The following SLC5A11 variants were observed in gnomAD, a reference collection of about 807,000 sequenced individuals.
SLC5A11 encodes the protein solute carrier family 5 member 11, also known as sodium/myo-inositol cotransporter 2.
In SLC5A11, 48 loss-of-function variants were observed where a neutral mutation model predicts 69.8. The observed-to-expected ratio is 0.69, with a 90% CI of 0.55 to 0.87. The LOEUF (loss-of-function observed/expected upper bound fraction) is 0.87. Ranked by LOEUF, SLC5A11 falls within the 40% of genes least tolerant of loss-of-function variation. The pLI is 0.00. For synonymous variants in SLC5A11, 319 were observed against 342.4 expected, an observed-to-expected ratio of 0.93 and a Z score of 0.75; for missense variants, 784 against 866.1, an observed-to-expected ratio of 0.91 and a Z score of 1.19.
At chr16:24,888,128 GA>G (rs1182538904) in intron 8 of SLC5A11, among the ~76,000 whole-genome samples, 1 of 151,960 alleles carries the variant, frequency 6.6e-6, no homozygotes. Context: ...ATTAATCATT[GA>G]AAAAAATTTT....
intron 2 of SLC5A11, 75 bp from the exon 4 acceptor site, chr16:24,862,526 C>T (rs1206308500): frequency 2.4e-6 from 3 of 1,255,020 alleles, no homozygotes; most frequent in South Asian, 2.6e-5. Context: ...GCAATCCCTG[C>T]CTGGCCTAGG....
chr16:24,895,125 A>G (rs757128509), intron 9 of SLC5A11, among the ~76,000 whole-genome samples: 36 of 151,130 alleles, frequency 2.4e-4, no homozygotes, highest in Non-Finnish European at 5.0e-4. Flanking sequence ...ATCCTGCCTC[A>G]GAAAAAAAGA....
chr16:24,897,124 TG>T (rs1375837933), intron 9 of SLC5A11, among the ~76,000 whole-genome samples: 2 of 151,782 alleles, frequency 1.3e-5, no homozygotes, highest in African/African-American at 4.8e-5. Flanking sequence ...AGCTAATTTT[TG>T]TATTTTTTTA....
At chr16:24,900,870 A>C (rs2049528182) in intron 10 of SLC5A11, among the ~76,000 whole-genome samples, 2 of 149,790 alleles carry the variant, frequency 1.3e-5, no homozygotes, top group South Asian at 4.2e-4. Flanking sequence ...GTGAGCTATT[A>C]TTACACCACT....
chr16:24,872,828 A>G (rs2047392369), intron 5 of SLC5A11, among the ~76,000 whole-genome samples: 1 of 149,378 alleles, frequency 6.7e-6, no homozygotes, highest in African/African-American at 2.5e-5. Flanking sequence ...TGCCCAGCCT[A>G]TGTTTCTGCT....
At position 24,891,042 on chromosome 16, in the gene SLC5A11, A is replaced by G. The variant is rs748850053; in HGVS notation, c.838A>G (p.Ile280Val). 3.0e-5 allele frequency: 49 copies of G among 1,614,040 alleles called. No individual in the cohort carries two copies. Among genetic ancestry groups the G allele is most frequent in the Non-Finnish European group, 3.9e-5 (46 of 1,180,038 alleles). The change falls in exon 9 of 16, where the codon ATC becomes GTC. Residue 280 changes from isoleucine to valine, a missense_variant. Transcript: ENST00000347898. ...GCCGGGGGTCCTATTTGGAATGTCC[A>G]TCCCATCCCTCTGGTACTGGTGCAC... is the stretch of plus-strand genomic sequence containing the variant.
chr16:24,851,993 C>CTCTCTCTG (rs756349920), intron 1 of SLC5A11, among the ~76,000 whole-genome samples: 1 of 149,024 alleles, frequency 6.7e-6, no homozygotes, highest in South Asian at 2.2e-4. Context: ...CTCTCTCTCT[C>CTCTCTCTG]TCCCACTCTA....
intron 8 of SLC5A11, among the ~76,000 whole-genome samples, chr16:24,889,237 C>A (rs1223290615): frequency 2.0e-5 from 3 of 152,030 alleles, no homozygotes; most frequent in Non-Finnish European, 2.9e-5. Flanking sequence ...AATCCTAGAA[C>A]TTTGGGAGGC....
intron 5 of SLC5A11, among the ~76,000 whole-genome samples, chr16:24,874,440 T>C (rs1026588396): frequency 7.9e-5 from 12 of 152,222 alleles, no homozygotes; most frequent in Non-Finnish European, 5.9e-5. Context: ...CCATTTATAT[T>C]CCCACCAGCA....
exon 13 of SLC5A11, chr16:24,908,121 C>T (rs374032922): frequency 8.0e-5 from 128 of 1,592,162 alleles, no homozygotes; most frequent in Non-Finnish European, 5.8e-5. Flanking sequence ...TGGAAGAGGA[C>T]CAATGAAAAG....
chr16:24,894,217 G>A (rs1466414856), intron 9 of SLC5A11, among the ~76,000 whole-genome samples: 1 of 152,090 alleles, frequency 6.6e-6, no homozygotes, highest in Non-Finnish European at 1.5e-5. Flanking sequence ...CACACCTATT[G>A]GATGCTCTCA....
chr16:24,846,841 G>A (rs759820233), intron 1 of SLC5A11: 2 of 152,202 alleles, frequency 1.3e-5, no homozygotes, highest in Admixed American at 6.5e-5. Flanking sequence ...AAAGCTATAG[G>A]AATGTATTTA....
rs749925565 is a variant in SLC5A11, at chr16:24,898,114, G to A, written c.1006+5G>A. ...TCAGCCGCATCCTCTTCCCAGGTGA[G>A]AACACAGCTGGGGGAAGAGGTCATT... On this transcript the variant is annotated splice_donor_5th_base_variant and intron_variant, in intron 10 of 15. Coordinates refer to ENST00000347898, the Ensembl canonical transcript of SLC5A11. The A allele has an allele frequency of 5.0e-6, 8 of 1,613,548 alleles. No individual in the cohort carries two copies. Among genetic ancestry groups the A allele is most frequent in the Non-Finnish European group, 6.8e-6 (8 of 1,179,880 alleles).
intron 9 of SLC5A11, among the ~76,000 whole-genome samples, chr16:24,897,102 G>A (rs147130210): frequency 1.3e-4 from 19 of 151,856 alleles, no homozygotes; most frequent in Admixed American, 4.6e-4. Flanking sequence ...ACAAGTGTGC[G>A]CCAATGCACC....
intron 10 of SLC5A11, among the ~76,000 whole-genome samples, chr16:24,898,325 C>A (rs1228939816): frequency 6.6e-6 from 1 of 152,178 alleles, no homozygotes; most frequent in South Asian, 2.1e-4. Flanking sequence ...AATCCTCCCA[C>A]CTCAGCCTCC....
intron 2 of SLC5A11, 146 bp from the exon 4 acceptor site, chr16:24,862,455 A>G (rs2046631766): frequency 3.6e-6 from 2 of 553,170 alleles, no homozygotes; most frequent in Non-Finnish European, 3.2e-6. Flanking sequence ...ATTTTATCCA[A>G]AACTCTGGGA....
At chr16:24,849,595 T>TAG (rs1567553333) in intron 1 of SLC5A11, among the ~76,000 whole-genome samples, 1 of 56,880 alleles carries the variant, frequency 1.8e-5, no homozygotes, top group Non-Finnish European at 3.2e-5. Context: ...AAAAAAAAAA[T>TAG]ATATATATAT....
chr16:24,887,774 A>G (rs371910308), intron 8 of SLC5A11, among the ~76,000 whole-genome samples: 54 of 152,256 alleles, frequency 3.5e-4, no homozygotes, highest in Middle Eastern at 6.8e-3. Flanking sequence ...AAAACTCAAG[A>G]TTTATATTTT....
intron 3 of SLC5A11, among the ~76,000 whole-genome samples, chr16:24,867,148 A>G (rs1036992821): frequency 3.3e-5 from 5 of 152,198 alleles, no homozygotes; most frequent in Non-Finnish European, 7.4e-5. Context: ...AAATCTCAAG[A>G]AATTTAAAAT....
Sources: allele counts gnomAD v4.1 joint callset (sites outside exome capture counted in the v4.1 genomes callset), GRCh38; gene constraint gnomAD v4.1.1; transcripts MANE v1.5; gene names NCBI Gene and HGNC (gene_info 2026-07-23, HGNC 2026-07-21).